The following STAU2 variants were observed in gnomAD, a reference collection of about 807,000 sequenced individuals.
The protein encoded by STAU2 is staufen double-stranded RNA binding protein 2.
Under a neutral mutation model 65.9 loss-of-function variants are expected in STAU2, and 20 were observed. The observed-to-expected ratio is 0.30, with a 90% CI of 0.21 to 0.44. STAU2 has a LOEUF of 0.44. STAU2 is among the 20% of genes least tolerant of loss of function. The pLI is 1.00. For synonymous variants in STAU2, 232 were observed against 233.9 expected (o/e 0.99, Z 0.07); for missense variants, 558 against 683.9 (o/e 0.82, Z 2.05).
chr8:73,421,339 G>C lies in STAU2; in HGVS notation c.*33C>G. On this transcript the variant is annotated 3_prime_UTR_variant, in exon 15 of 15. Coordinates refer to ENST00000524300, the MANE Select transcript of STAU2 (RefSeq NM_001164380.2). Reference sequence around the variant, plus strand: ...CTCATGCGTGCTGACAGGTTTATAAGGATGCGGTGGCAGCCGCGGGTTCTG... The same window carrying C: ...CTCATGCGTGCTGACAGGTTTATAACGATGCGGTGGCAGCCGCGGGTTCTG... 6.5e-7 allele frequency: 1 copy of C among 1,527,522 alleles called. No individual in the cohort carries two copies. The highest frequency in any genetic ancestry group is 8.8e-7 in the Non-Finnish European group (1 of 1,138,126). The allele number at this position is 1,527,522 out of a possible 1,614,324, so 94.6% of individuals were successfully genotyped here. A position where few individuals can be genotyped will look rare whatever the true frequency, so the allele number is the denominator to read the frequency against.
At chr8:73,642,937 A>C (rs1033934471) in intron 6 of STAU2, among the ~76,000 whole-genome samples, 10 of 152,214 alleles carry the variant, frequency 6.6e-5, no homozygotes, top group African/African-American at 2.4e-4. Flanking sequence ...TAGAGAAGTA[A>C]TAAAGGTCTG....
At chr8:73,463,325 T>C (rs1431480765) in intron 13 of STAU2, among the ~76,000 whole-genome samples, 1 of 152,230 alleles carries the variant, frequency 6.6e-6, no homozygotes, top group Non-Finnish European at 1.5e-5. Flanking sequence ...AAATACAAAT[T>C]AAAAACACTT....
At chr8:73,479,005 A>C (rs377232334) in intron 13 of STAU2, among the ~76,000 whole-genome samples, 3 of 152,108 alleles carry the variant, frequency 2.0e-5, no homozygotes, top group Non-Finnish European at 4.4e-5. Flanking sequence ...ATGTAGAGAG[A>C]AAAGTATAAT....
chr8:73,719,879 ATAT>A (rs1821517438), intron 3 of STAU2, among the ~76,000 whole-genome samples: 2 of 152,224 alleles, frequency 1.3e-5, no homozygotes, highest in South Asian at 4.1e-4. Flanking sequence ...TATAAAATTG[ATAT>A]TATTTTTTCC....
chr8:73,616,004 G>A (rs1332270675), intron 7 of STAU2, among the ~76,000 whole-genome samples: 1 of 152,182 alleles, frequency 6.6e-6, no homozygotes, highest in African/African-American at 2.4e-5. Context: ...AGCATTTAAT[G>A]CAGACTTTGG....
At chr8:73,651,821 T>C (rs1012787807) in intron 6 of STAU2, among the ~76,000 whole-genome samples, 10 of 152,232 alleles carry the variant, frequency 6.6e-5, no homozygotes, top group African/African-American at 2.2e-4. Context: ...AGGCCTCCCA[T>C]ACAGGTCTGT....
In STAU2 at chr8:73,709,122, A is replaced by G. The variant is rs1820715593; in HGVS notation, c.24T>C (p.Thr8=). The G allele has an allele frequency of 7.8e-6, 12 of 1,532,146 alleles. No homozygotes were observed. Among genetic ancestry groups the G allele is most frequent in the Non-Finnish European group, 1.0e-5 (12 of 1,144,136 alleles). The allele number at this position is 1,532,146 out of a possible 1,614,324, so 94.9% of individuals were successfully genotyped here. A position where few individuals can be genotyped will look rare whatever the true frequency, so the allele number is the denominator to read the frequency against. Residue 8 remains threonine (T), a synonymous_variant, in exon 4 of 15, where the codon ACT becomes ACC. Transcript: ENST00000524300. MANPKEK[T]AMCLVNELAR... is the part of the protein sequence containing the mutation. ...CTAACTCATTTACCAGACACATTGC[A>G]GTTTTCTCTTTTGGGTTTGCCATTT...
chr8:73,655,749 C>T (rs375064004), intron 6 of STAU2, among the ~76,000 whole-genome samples: 6 of 148,210 alleles, frequency 4.0e-5, no homozygotes, highest in East Asian at 2.0e-4. Flanking sequence ...CCTGGGTTCA[C>T]GCCATTCTCC....
chr8:73,478,021 G>T (rs1253708099), intron 13 of STAU2, among the ~76,000 whole-genome samples: 1 of 145,574 alleles, frequency 6.9e-6, no homozygotes, highest in Non-Finnish European at 1.5e-5. Context: ...ACTAATGTTA[G>T]AAATATATAT....
intron 13 of STAU2, among the ~76,000 whole-genome samples, chr8:73,472,630 T>G (rs1012051177): frequency 6.7e-6 from 1 of 149,972 alleles, no homozygotes; most frequent in African/African-American, 2.5e-5. Context: ...CCAAAGAAAT[T>G]TTTTTTTTGC....
intron 13 of STAU2, among the ~76,000 whole-genome samples, chr8:73,521,499 G>C (rs1823037755): frequency 6.6e-6 from 1 of 152,136 alleles, no homozygotes; most frequent in African/African-American, 2.4e-5. Context: ...TTTGGTTCTT[G>C]CTTATTTTCT....
rs562163745 is a variant in STAU2 at position 73,559,807 on chromosome 8, C to A, written c.1223-7488G>T. Reference sequence around the variant, plus strand: ...CTCTTCTTTTACACACAGCTCACTGCAAATCTGGTCTTCCAGATAAGGCCC... The same window carrying A: ...CTCTTCTTTTACACACAGCTCACTGAAAATCTGGTCTTCCAGATAAGGCCC... On this transcript the variant is annotated intron_variant, in intron 12 of 14. Coordinates refer to ENST00000524300, the MANE Select transcript of STAU2 (RefSeq NM_001164380.2). 1.7e-4 allele frequency among the ~76,000 whole-genome samples: 26 copies of A among 152,266 alleles called. No individual in the cohort carries two copies. The South Asian group carries it at 3.5e-3, about 21-fold the overall frequency.
chr8:73,621,841 G>C (rs1469687791), intron 6 of STAU2, among the ~76,000 whole-genome samples: 4 of 152,082 alleles, frequency 2.6e-5, no homozygotes, highest in Non-Finnish European at 4.4e-5. Flanking sequence ...TAAAGGTCCA[G>C]GATTATCACC....
At chr8:73,577,092 A>G (rs1809615182) in intron 12 of STAU2, among the ~76,000 whole-genome samples, 1 of 152,192 alleles carries the variant, frequency 6.6e-6, no homozygotes, top group Non-Finnish European at 1.5e-5. Context: ...AGTTTCCTCA[A>G]GACTTCAGTA....
At chr8:73,432,981 C>A (rs1474052800) in intron 13 of STAU2, among the ~76,000 whole-genome samples, 1 of 152,132 alleles carries the variant, frequency 6.6e-6, no homozygotes, top group Non-Finnish European at 1.5e-5. Flanking sequence ...AATCACAGAC[C>A]TAGCCACTGC....
chr8:73,497,505 G>T (rs961698528), intron 13 of STAU2, among the ~76,000 whole-genome samples: 1 of 151,586 alleles, frequency 6.6e-6, no homozygotes, highest in Non-Finnish European at 1.5e-5. Flanking sequence ...ATTAAAACAG[G>T]TGATATAAAA....
chr8:73,582,147 A>G (rs960834433), intron 12 of STAU2, among the ~76,000 whole-genome samples: 4 of 152,216 alleles, frequency 2.6e-5, no homozygotes, highest in African/African-American at 9.6e-5. Flanking sequence ...AAAAATTAGT[A>G]AACTGAAATT....
intron 14 of STAU2, among the ~76,000 whole-genome samples, chr8:73,421,873 C>T (rs1282837572): frequency 6.6e-6 from 1 of 151,762 alleles, no homozygotes; most frequent in African/African-American, 2.4e-5. Flanking sequence ...ATGTTATCTC[C>T]TGCATGTGTT....
chr8:73,729,566 G>T (rs1000059742), intron 3 of STAU2, among the ~76,000 whole-genome samples: 1 of 151,912 alleles, frequency 6.6e-6, no homozygotes, highest in Non-Finnish European at 1.5e-5. Flanking sequence ...ATATGGTACT[G>T]GACTTCTGAT....
Sources: allele counts gnomAD v4.1 joint callset (sites outside exome capture counted in the v4.1 genomes callset), GRCh38; gene constraint gnomAD v4.1.1; transcripts MANE v1.5; gene names NCBI Gene and HGNC (gene_info 2026-07-23, HGNC 2026-07-21).